The following MORN3 variants were observed in gnomAD, a reference collection of about 807,000 sequenced individuals.
MORN3 encodes MORN repeat-containing protein 3.
A neutral mutation model predicts 34.7 loss-of-function variants in MORN3; 38 were observed. That is an observed-to-expected ratio of 1.10 (90% CI 0.85 to 1.44). The LOEUF is 1.44. Ranked by LOEUF, MORN3 falls within the 40% of genes most tolerant of loss-of-function variation. The pLI, the probability that MORN3 is intolerant of heterozygous loss-of-function variation, is 0.00. For synonymous variants in MORN3, 109 were observed against 115.3 expected, an observed-to-expected ratio of 0.95 and a Z score of 0.35; for missense variants, 311 against 321.7, an observed-to-expected ratio of 0.97 and a Z score of 0.25.
At chr12:121,667,553 C>G (rs1350689153) in intron 1 of MORN3, among the ~76,000 whole-genome samples, 1 of 151,846 alleles carries the variant, frequency 6.6e-6, no homozygotes, top group East Asian at 1.9e-4. Context: ...CTGTCCCCGG[C>G]CTGCAACCTC....
At chr12:121,656,793 T>C (rs1893431393) in intron 2 of MORN3, among the ~76,000 whole-genome samples, 1 of 152,190 alleles carries the variant, frequency 6.6e-6, no homozygotes, top group African/African-American at 2.4e-5. Flanking sequence ...ATTGCTGGGA[T>C]TACAGGCGTG....
chr12:121,660,324 C>T (rs1441904036), intron 1 of MORN3, among the ~76,000 whole-genome samples: 1 of 149,406 alleles, frequency 6.7e-6, no homozygotes, highest in Non-Finnish European at 1.5e-5. Flanking sequence ...TGCTAATTTA[C>T]TGTTTTCTCT....
intron 1 of MORN3, among the ~76,000 whole-genome samples, chr12:121,659,604 A>C (rs1893519984): frequency 6.7e-6 from 1 of 150,028 alleles, no homozygotes; most frequent in East Asian, 2.0e-4. Flanking sequence ...GCGCGATCTC[A>C]GCTCACTGCA....
At chr12:121,659,440 C>A in intron 1 of MORN3, 92 bp from the exon 2 acceptor site, 3 of 1,356,728 alleles carry the variant, frequency 2.2e-6, no homozygotes, top group Non-Finnish European at 3.1e-6. Context: ...CCCAACTAGA[C>A]GAATCTAGAG....
chr12:121,666,067 C>A (rs1461664077), intron 1 of MORN3, among the ~76,000 whole-genome samples: 1 of 152,126 alleles, frequency 6.6e-6, no homozygotes. Context: ...TGATGGCTCA[C>A]ACTTGTAATC....
rs546152317 is a variant in MORN3, at chr12:121,648,940, T to C, written c.*2711A>G. 3.7e-4 allele frequency: 56 copies of C among 151,902 alleles called. No individual in the cohort carries two copies. Among genetic ancestry groups the C allele is most frequent in the African/African-American group, 1.3e-3 (54 of 41,402 alleles). 9.4% of individuals were successfully genotyped at this position (151,902 alleles called of 1,614,324 possible). A position where few individuals can be genotyped will look rare whatever the true frequency, so the allele number is the denominator to read the frequency against. On this transcript the variant is annotated 3_prime_UTR_variant, in exon 6 of 6. Coordinates refer to ENST00000355329, the MANE Select transcript of MORN3 (RefSeq NM_173855.5). Reference sequence around the variant, plus strand: ...ACAAGCACACCCTCTTCCAACATTTTTTTTTTTTTTGAGATGGAGTCTCGC... The same window carrying C: ...ACAAGCACACCCTCTTCCAACATTTCTTTTTTTTTTGAGATGGAGTCTCGC...
intron 2 of MORN3, among the ~76,000 whole-genome samples, chr12:121,656,438 C>T (rs1893418973): frequency 1.3e-5 from 2 of 152,108 alleles, no homozygotes; most frequent in South Asian, 4.1e-4. Flanking sequence ...ATCCTCCTGC[C>T]TCAGCCTTTT....
rs775291511 is a variant in MORN3, at chr12:121,669,553, G to A, written c.-70C>T. 37 of 1,582,414 alleles carry A rather than the reference G, an allele frequency of 2.3e-5. No homozygotes were observed. Among genetic ancestry groups the A allele is most frequent in the East Asian group, 1.6e-4 (7 of 43,328 alleles). ...GGACATCTGGGGCTCAGCGCGCCCC[G>A]TGTAATGCCGGGATCCTGAGCTCAA... On this transcript the variant is annotated 5_prime_UTR_variant, in exon 1 of 6. In the 5' UTR this introduces an upstream ATG that the reference lacks. Transcript: ENST00000355329.
chr12:121,661,758 C>G (rs577042537), intron 1 of MORN3, among the ~76,000 whole-genome samples: 3 of 152,054 alleles, frequency 2.0e-5, no homozygotes, highest in South Asian at 2.1e-4. Context: ...TGCCTGTAAT[C>G]CCAGCTACTC....
chr12:121,660,592 G>A (rs372933742), intron 1 of MORN3, among the ~76,000 whole-genome samples: 12 of 150,358 alleles, frequency 8.0e-5, no homozygotes, highest in East Asian at 7.9e-4. Context: ...ATCGTGATCC[G>A]TCTGCCTTGG....
Position 121,654,281 on chromosome 12 carries a change from CA to C in MORN3, c.455del (p.Leu152ArgfsTer3). The C allele has an allele frequency of 6.3e-7, 1 of 1,576,512 alleles. No homozygotes were observed. Among genetic ancestry groups the C allele is most frequent in the Non-Finnish European group, 8.6e-7 (1 of 1,162,746 alleles). On this transcript the variant is annotated frameshift_variant, in exon 3 of 6. Transcript: ENST00000355329. LOFTEE classifies it high-confidence loss of function. ...ENDKPNGEGM[L>X]RLKNGNRYEG... is the part of the protein sequence containing the mutation. ...CGGGGGTGGGGCACTCACTCAGGCGCAGCATGCCCTCCCCGTTGGGCTTGTC... is the reference window on the plus strand; with the variant it reads ...CGGGGGTGGGGCACTCACTCAGGCGCGCATGCCCTCCCCGTTGGGCTTGTC...
At chr12:121,660,187 TG>T in intron 1 of MORN3, among the ~76,000 whole-genome samples, 1 of 141,520 alleles carries the variant, frequency 7.1e-6, no homozygotes, top group African/African-American at 2.9e-5. Context: ...TGAGCCGAGA[TG>T]ACGTCGTTGC....
chr12:121,669,741 C>A (rs1169653111), upstream of MORN3: 5 of 356,970 alleles, frequency 1.4e-5, no homozygotes, highest in Non-Finnish European at 2.1e-5. Flanking sequence ...CTAGGGAAAC[C>A]AGTAGAGCAG....
chr12:121,654,150 A>C, intron 3 of MORN3, 124 bp downstream of exon 3: 1 of 738,688 alleles, frequency 1.4e-6, no homozygotes, highest in African/African-American at 1.8e-5. Flanking sequence ...CCACATTGAC[A>C]CAAGGGTCAG....
upstream of MORN3, among the ~76,000 whole-genome samples, chr12:121,669,828 ATATAT>A (rs1360341417): frequency 1.7e-5 from 2 of 117,500 alleles, no homozygotes; most frequent in East Asian, 2.7e-4. Context: ...ATATATATAT[ATATAT>A]TTTTTTTTTT....
chr12:121,662,991 G>C (rs1293534884), intron 1 of MORN3, among the ~76,000 whole-genome samples: 2 of 151,886 alleles, frequency 1.3e-5, no homozygotes, highest in South Asian at 4.2e-4. Context: ...GTCTCAAAAA[G>C]ACAAAACAAA....
In MORN3 at chr12:121,659,368, C is replaced by T; in HGVS notation, c.146-20G>A. 6.2e-7 allele frequency: 1 copy of T among 1,612,068 alleles called. No homozygotes were observed. The highest frequency in any genetic ancestry group is 8.5e-7 in the Non-Finnish European group (1 of 1,178,478). ...CTTTCCCTGGTGACACACAGATGGGCAATGCTGCAGACATGGCCGCCGGGG... is the reference window on the plus strand; with the variant it reads ...CTTTCCCTGGTGACACACAGATGGGTAATGCTGCAGACATGGCCGCCGGGG... On this transcript the variant is annotated intron_variant, in intron 1 of 5. Transcript: ENST00000355329.
intron 3 of MORN3, 117 bp downstream of exon 3, chr12:121,654,157 T>C (rs7313601): frequency 0.23 from 178,265 of 775,718 alleles, 23,546 homozygotes; most frequent in East Asian, 0.43. Context: ...GACACAAGGG[T>C]CAGTGTGGGA....
In MORN3 at chr12:121,669,348, C is replaced by T. The variant is rs780791324; in HGVS notation, c.136G>A (p.Val46Met). Residue 46 changes from valine to methionine, a missense_variant, in exon 1 of 6, where the codon GTG becomes ATG. Val to Met is a conservative substitution (Grantham distance 21, BLOSUM62 1). Transcript: ENST00000355329. ...DYYVGEWKDN[V>M]KHGKGTQVWK... ...CCGGAGTCCCACTCACCGTGTTTCA[C>T]GTTGTCCTTCCACTCGCCCACATAG... is the stretch of plus-strand genomic sequence containing the variant. 11 of 1,613,566 alleles carry T rather than the reference C, an allele frequency of 6.8e-6. No individual in the cohort carries two copies. In the East Asian group the frequency reaches 8.9e-5, roughly 13 times the overall value.
Sources: gnomAD v4.1 joint callset for allele counts (sites outside exome capture counted in the v4.1 genomes callset) on GRCh38, gnomAD v4.1.1 for gene constraint, MANE v1.5 for transcripts, NCBI Gene and HGNC (gene_info 2026-07-23, HGNC 2026-07-21) for gene names.